UBE2E2: variants seen among roughly 807,000 people sequenced by gnomAD.
UBE2E2 encodes ubiquitin-conjugating enzyme E2 E2.
UBE2E2 carries 6 observed loss-of-function variants against 24.7 expected under a neutral mutation model. The observed-to-expected ratio is 0.24, with a 90% confidence interval of 0.13 to 0.48. The LOEUF (loss-of-function observed/expected upper bound fraction) is 0.48. Among genes scored for constraint, UBE2E2 ranks in the 20% least tolerant of loss-of-function variants. UBE2E2 has a pLI of 0.99. For synonymous variants in UBE2E2, 104 were observed against 83.6 expected, an observed-to-expected ratio of 1.24 and a Z score of -1.33; for missense variants, 169 against 245.0, an observed-to-expected ratio of 0.69 and a Z score of 2.07.
chr3:23,469,907 G>T (rs997023664), intron 3 of UBE2E2, among the ~76,000 whole-genome samples: 3 of 152,070 alleles, frequency 2.0e-5, no homozygotes, highest in Non-Finnish European at 4.4e-5. Context: ...CTTGAATATG[G>T]TCTTTTTCTG....
chr3:23,434,609 T>C (rs1698142130), intron 3 of UBE2E2, among the ~76,000 whole-genome samples: 1 of 152,178 alleles, frequency 6.6e-6, no homozygotes, highest in African/African-American at 2.4e-5. Flanking sequence ...ATTTTATAAT[T>C]TTCCTCTCTG....
At chr3:23,351,916 T>C (rs1695766843) in intron 3 of UBE2E2, among the ~76,000 whole-genome samples, 1 of 152,086 alleles carries the variant, frequency 6.6e-6, no homozygotes, top group Non-Finnish European at 1.5e-5. Flanking sequence ...CCACCCCAAA[T>C]CAACAGAATA....
chr3:23,385,556 C>T (rs1696787581), intron 3 of UBE2E2, among the ~76,000 whole-genome samples: 2 of 152,192 alleles, frequency 1.3e-5, no homozygotes. Flanking sequence ...CTGTTAATGT[C>T]AGGTGTATCT....
At chr3:23,359,590 A>G (rs1279701041) in intron 3 of UBE2E2, among the ~76,000 whole-genome samples, 1 of 152,194 alleles carries the variant, frequency 6.6e-6, no homozygotes, top group East Asian at 1.9e-4. Flanking sequence ...ATTAAAAAAA[A>G]TTTGTAGCAC....
At chr3:23,256,472 CA>C (rs147064855) in intron 3 of UBE2E2, among the ~76,000 whole-genome samples, 2 of 151,194 alleles carry the variant, frequency 1.3e-5, no homozygotes, top group African/African-American at 4.9e-5. Context: ...TAATTTTTGA[CA>C]AAAAAAACTG....
chr3:23,289,899 G>A (rs1487075641), intron 3 of UBE2E2, among the ~76,000 whole-genome samples: 1 of 152,106 alleles, frequency 6.6e-6, no homozygotes, highest in Non-Finnish European at 1.5e-5. Context: ...TTTTCTTACT[G>A]TGATATAATT....
chr3:23,558,705 C>G (rs776654696), intron 5 of UBE2E2, among the ~76,000 whole-genome samples: 1 of 152,102 alleles, frequency 6.6e-6, no homozygotes, highest in Non-Finnish European at 1.5e-5. Flanking sequence ...TATTGCCCAT[C>G]CAGGATGAGG....
chr3:23,254,299 A>G (rs2125348315), intron 3 of UBE2E2, among the ~76,000 whole-genome samples: 1 of 152,334 alleles, frequency 6.6e-6, no homozygotes, highest in East Asian at 1.9e-4. Flanking sequence ...TACATCAAGA[A>G]TGACTTGAAA....
At chr3:23,358,570 TG>T (rs1696030077) in intron 3 of UBE2E2, among the ~76,000 whole-genome samples, 1 of 152,192 alleles carries the variant, frequency 6.6e-6, no homozygotes, top group African/African-American at 2.4e-5. Flanking sequence ...ATTTTAGGAT[TG>T]AAAAAAACAA....
intron 4 of UBE2E2, among the ~76,000 whole-genome samples, chr3:23,525,542 T>C (rs1694975277): frequency 1.3e-5 from 2 of 152,244 alleles, no homozygotes; most frequent in South Asian, 4.1e-4. Context: ...CTTTGAAAAC[T>C]GTTATTCTCA....
At chr3:23,324,310 T>C (rs902123040) in intron 3 of UBE2E2, among the ~76,000 whole-genome samples, 3 of 152,146 alleles carry the variant, frequency 2.0e-5, no homozygotes, top group Admixed American at 2.0e-4. Context: ...GTCACTCATA[T>C]TTGTCTAAAT....
chr3:23,421,206 T>C (rs998292024), intron 3 of UBE2E2, among the ~76,000 whole-genome samples: 2 of 152,210 alleles, frequency 1.3e-5, no homozygotes, highest in African/African-American at 4.8e-5. Flanking sequence ...ATTTAACAAA[T>C]ATTTTAGTGC....
intron 5 of UBE2E2, among the ~76,000 whole-genome samples, chr3:23,568,335 C>G (rs1197312526): frequency 1.3e-5 from 2 of 151,984 alleles, no homozygotes; most frequent in Non-Finnish European, 2.9e-5. Flanking sequence ...TTTTGCAGTA[C>G]TAGTTACTAG....
chr3:23,245,742 G>C lies in UBE2E2; in HGVS notation c.227+28430G>C, dbSNP rs147653868. Among the ~76,000 whole-genome samples, 30 of 152,244 alleles carry C rather than the reference G, an allele frequency of 2.0e-4. 1 individual carries two copies. The East Asian group carries it at 5.4e-3, about 27-fold the overall frequency. On this transcript the variant is annotated intron_variant, in intron 3 of 5. Coordinates refer to ENST00000396703, the MANE Select transcript of UBE2E2 (RefSeq NM_152653.4). ...AGTTTTAAAGGGCACCATCATATCT[G>C]TTATCTTAGCATCTTAAACCTTTTA...
At chr3:23,417,294 T>G (rs1263688857) in intron 3 of UBE2E2, among the ~76,000 whole-genome samples, 3 of 152,202 alleles carry the variant, frequency 2.0e-5, no homozygotes, top group Admixed American at 6.5e-5. Context: ...TCATTTTCCT[T>G]CTAACAGGCC....
chr3:23,472,514 G>T (rs557368228), intron 3 of UBE2E2, among the ~76,000 whole-genome samples: 9 of 152,088 alleles, frequency 5.9e-5, no homozygotes, highest in Non-Finnish European at 1.3e-4. Flanking sequence ...AAAGGATCCA[G>T]CAAAGTATTC....
At chr3:23,240,209 T>A (rs1475217667) in intron 3 of UBE2E2, among the ~76,000 whole-genome samples, 1 of 152,242 alleles carries the variant, frequency 6.6e-6, no homozygotes, top group Non-Finnish European at 1.5e-5. Flanking sequence ...TTCCAGAGAA[T>A]AAGGACAGTC....
intron 3 of UBE2E2, among the ~76,000 whole-genome samples, chr3:23,497,719 T>A (rs1699634799): frequency 6.6e-6 from 1 of 152,222 alleles, no homozygotes; most frequent in Non-Finnish European, 1.5e-5. Flanking sequence ...ATTTCTAGGC[T>A]AGTGCGTTGT....
At chr3:23,335,630 G>A (rs1468166711) in intron 3 of UBE2E2, among the ~76,000 whole-genome samples, 1 of 152,228 alleles carries the variant, frequency 6.6e-6, no homozygotes, top group Admixed American at 6.5e-5. Context: ...GGACTCCTGG[G>A]CTCAAGTGAT....
Sources: allele counts gnomAD v4.1 joint callset (sites outside exome capture counted in the v4.1 genomes callset), GRCh38; gene constraint gnomAD v4.1.1; transcripts MANE v1.5; gene names NCBI Gene and HGNC (gene_info 2026-07-23, HGNC 2026-07-21).